FGF2: variants seen among roughly 807,000 people sequenced by gnomAD.
The protein encoded by FGF2 is fibroblast growth factor 2, also known as basic fibroblast growth factor bFGF.
In FGF2, 13 loss-of-function variants were observed where a neutral mutation model predicts 15.9. The observed-to-expected ratio is 0.82, with a 90% confidence interval of 0.53 to 1.30. The LOEUF (loss-of-function observed/expected upper bound fraction) is 1.30. Ranked by LOEUF, FGF2 falls within the 50% of genes most tolerant of loss-of-function variation. The pLI, the probability that FGF2 is intolerant of heterozygous loss-of-function variation, is 0.00. For missense variants in FGF2, 163 were observed against 196.9 expected, an observed-to-expected ratio of 0.83 and a Z score of 1.03; for synonymous variants, 90 against 78.4, an observed-to-expected ratio of 1.15 and a Z score of -0.78.
intron 1 of FGF2, among the ~76,000 whole-genome samples, chr4:122,830,943 C>G (rs1168544587): frequency 6.6e-6 from 1 of 151,766 alleles, no homozygotes; most frequent in Non-Finnish European, 1.5e-5. Flanking sequence ...GACGCTGAGA[C>G]TTGGAAAGGC....
chr4:122,831,545 T>G (rs112432898), intron 1 of FGF2, among the ~76,000 whole-genome samples: 2,579 of 152,352 alleles, frequency 0.017, 80 homozygotes, highest in African/African-American at 0.059. Flanking sequence ...ACGTGATATT[T>G]ACTGTAATAA....
intron 1 of FGF2, among the ~76,000 whole-genome samples, chr4:122,867,340 T>C (rs7694627): frequency 0.14 from 21,257 of 152,174 alleles, 1,612 homozygotes; most frequent in Middle Eastern, 0.22. Context: ...AAAGGAACCA[T>C]GGGTACCAAC....
At chr4:122,878,058 G>A (rs1726892656) in intron 2 of FGF2, among the ~76,000 whole-genome samples, 2 of 152,132 alleles carry the variant, frequency 1.3e-5, no homozygotes, top group South Asian at 2.1e-4. Flanking sequence ...TGCTATGGTA[G>A]GCATTGAGCT....
chr4:122,838,975 TAACACA>T (rs1445575723), intron 1 of FGF2, among the ~76,000 whole-genome samples: 1 of 152,198 alleles, frequency 6.6e-6, no homozygotes, highest in Non-Finnish European at 1.5e-5. Context: ...TATGTTTAGG[TAACACA>T]AATACTTAGC....
chr4:122,889,034 C>A (rs1303317649), intron 2 of FGF2: 1 of 152,024 alleles, frequency 6.6e-6, no homozygotes, highest in African/African-American at 2.4e-5. Flanking sequence ...CTAAATTATT[C>A]TTCAATTTTA....
At chr4:122,854,953 C>T (rs1318259192) in intron 1 of FGF2, among the ~76,000 whole-genome samples, 2 of 152,130 alleles carry the variant, frequency 1.3e-5, no homozygotes, top group Non-Finnish European at 2.9e-5. Context: ...CCACCCTGTG[C>T]CCCTACTTGC....
chr4:122,867,887 A>G (rs1726634327), intron 1 of FGF2, among the ~76,000 whole-genome samples: 1 of 152,202 alleles, frequency 6.6e-6, no homozygotes, highest in Non-Finnish European at 1.5e-5. Flanking sequence ...ATTTCTGGTT[A>G]TACTACTTGC....
rs369858295 is a variant in FGF2, at chr4:122,892,940, T to C, written c.*544T>C. On this transcript the variant is annotated 3_prime_UTR_variant, in exon 3 of 3. Coordinates refer to ENST00000644866, the MANE Select transcript of FGF2 (RefSeq NM_001361665.2). ...TTCTTCCACAGTCAGGTCAATTTTG[T>C]CAAACCCTTCTCTGTACCCATACAG... 6.2e-7 allele frequency: 1 copy of C among 1,614,094 alleles called. No homozygotes were observed. The highest frequency in any genetic ancestry group is 1.3e-5 in the African/African-American group (1 of 74,930).
rs80314963 is a variant in FGF2, at chr4:122,873,952, A to G, written c.179-2369A>G. 9.2e-3 allele frequency among the ~76,000 whole-genome samples: 1,404 copies of G among 152,330 alleles called. 21 individuals carry two copies. Among genetic ancestry groups the G allele is most frequent in the African/African-American group, 0.031 (1,295 of 41,564 alleles). On this transcript the variant is annotated intron_variant, in intron 1 of 2. Coordinates refer to ENST00000644866, the MANE Select transcript of FGF2 (RefSeq NM_001361665.2). Reference sequence around the variant, plus strand: ...CAAAAGGTTAATGAGTAAATGAATTATGTTTACTTTGGGTATTGAGTCACT... The same window carrying G: ...CAAAAGGTTAATGAGTAAATGAATTGTGTTTACTTTGGGTATTGAGTCACT...
At chr4:122,835,007 G>A (rs549776809) in intron 1 of FGF2, among the ~76,000 whole-genome samples, 17 of 152,272 alleles carry the variant, frequency 1.1e-4, no homozygotes, top group Non-Finnish European at 2.4e-4. Context: ...AACCACTCCT[G>A]TGGCCCCACC....
At chr4:122,843,563 G>T (rs1421484333) in intron 1 of FGF2, among the ~76,000 whole-genome samples, 1 of 152,152 alleles carries the variant, frequency 6.6e-6, no homozygotes. Flanking sequence ...GTTAGGAAAT[G>T]ATTTCAGTTA....
intron 1 of FGF2, among the ~76,000 whole-genome samples, chr4:122,855,448 A>G (rs1326614760): frequency 6.6e-6 from 1 of 152,200 alleles, no homozygotes; most frequent in Non-Finnish European, 1.5e-5. Flanking sequence ...AGTTTTGTTG[A>G]AGTATTTCTC....
At chr4:122,843,743 A>G (rs1260160088) in intron 1 of FGF2, among the ~76,000 whole-genome samples, 2 of 152,244 alleles carry the variant, frequency 1.3e-5, no homozygotes, top group Non-Finnish European at 2.9e-5. Flanking sequence ...AATGCATATG[A>G]AAGCTATGTT....
chr4:122,893,670 G>A lies in FGF2; in HGVS notation c.*1274G>A, dbSNP rs1247111755. The A allele has an allele frequency of 6.5e-6, 1 of 152,922 alleles. No individual in the cohort carries two copies. Among genetic ancestry groups the A allele is most frequent in the East Asian group, 1.9e-4 (1 of 5,218 alleles). 9.5% of individuals were successfully genotyped at this position (152,922 alleles called of 1,614,324 possible). ...GTTTGATCAGTTTTCAAGAAACTTGGAATATAAATAATTTTATAATTCAAC... is the reference window on the plus strand; with the variant it reads ...GTTTGATCAGTTTTCAAGAAACTTGAAATATAAATAATTTTATAATTCAAC... On this transcript the variant is annotated 3_prime_UTR_variant, in exon 3 of 3. Transcript: ENST00000644866.
intron 1 of FGF2, among the ~76,000 whole-genome samples, chr4:122,842,353 G>T (rs941314873): frequency 6.6e-6 from 1 of 152,160 alleles, no homozygotes; most frequent in Non-Finnish European, 1.5e-5. Context: ...ATAGCATTTT[G>T]TCAGATTCTC....
chr4:122,853,137 A>G lies in FGF2; in HGVS notation c.179-23184A>G, dbSNP rs547791478. Reference sequence around the variant, plus strand: ...ACATGGCAAAATGCCATCTCTACCAAAAATACAAAAATTAGCCAGGTGTGG... The same window carrying G: ...ACATGGCAAAATGCCATCTCTACCAGAAATACAAAAATTAGCCAGGTGTGG... On this transcript the variant is annotated intron_variant, in intron 1 of 2. Transcript: ENST00000644866. 8.5e-5 allele frequency among the ~76,000 whole-genome samples: 13 copies of G among 152,208 alleles called. No individual in the cohort carries two copies. The South Asian group carries it at 2.7e-3, about 32-fold the overall frequency.
chr4:122,892,099 T>C, intron 2 of FGF2, 112 bp from the exon 3 acceptor site: 2 of 947,868 alleles, frequency 2.1e-6, no homozygotes, highest in Non-Finnish European at 3.3e-6. Context: ...GAACCCAACA[T>C]CACTGCTGCT....
chr4:122,853,128 T>A (rs766926113), intron 1 of FGF2, among the ~76,000 whole-genome samples: 7 of 152,070 alleles, frequency 4.6e-5, no homozygotes, highest in Non-Finnish European at 1.0e-4. Context: ...CAAAATGCCA[T>A]CTCTACCAAA....
intron 1 of FGF2, among the ~76,000 whole-genome samples, chr4:122,838,564 GTGTTTAGAATACAAGTT>G (rs775604701): frequency 3.0e-4 from 46 of 152,120 alleles, no homozygotes; most frequent in Non-Finnish European, 2.2e-4. Flanking sequence ...AGACTTCTTA[GTGTTTAGAATACAAGTT>G]CATGGCCAGA....
Sources: gnomAD v4.1 joint callset for allele counts (sites outside exome capture counted in the v4.1 genomes callset) on GRCh38, gnomAD v4.1.1 for gene constraint, MANE v1.5 for transcripts, NCBI Gene and HGNC (gene_info 2026-07-23, HGNC 2026-07-21) for gene names.